The following FBN1 variants were observed in gnomAD, a reference collection of about 807,000 sequenced individuals.
FBN1 encodes fibrillin-1.
In FBN1, 29 loss-of-function variants were observed where a neutral mutation model predicts 365.1. The ratio of observed to expected loss-of-function variants is 0.08; its 90% CI spans 0.06 to 0.11. The LOEUF is 0.11. FBN1 is among the 10% of genes least tolerant of loss of function. The probability of loss-of-function intolerance (pLI) is 1.00; values close to 1 mark genes in which losing one functional copy is unlikely to be tolerated. For missense variants in FBN1, 2,476 were observed against 3,703.2 expected (o/e 0.67, Z 8.60); for synonymous variants, 1,210 against 1,270.5 (o/e 0.95, Z 1.01).
rs113115949 is a variant in FBN1 at position 48,465,605 on chromosome 15, G to C, written c.4905C>G (p.Thr1635=). 6.4e-3 allele frequency: 10,266 copies of C among 1,614,026 alleles called. 41 individuals carry two copies. The highest frequency in any genetic ancestry group is 7.8e-3 in the Non-Finnish European group (9,222 of 1,179,942). ...TFGSFQCRCP[T]GYYLNEDTRV... ...GTGTATCTTCATTCAGGTAGTAGCC[G>C]GTTGGACAGCGGCACTGGAAACTCC... Residue 1635 remains threonine, a synonymous_variant, in exon 40 of 66, where the codon ACC becomes ACG. Coordinates refer to ENST00000316623, the MANE Select transcript of FBN1 (RefSeq NM_000138.5).
In FBN1 at chr15:48,490,101, G is replaced by A. The variant is rs751897435; in HGVS notation, c.2855-23C>T. 3.1e-6 allele frequency: 5 copies of A among 1,605,704 alleles called. No individual in the cohort carries two copies. In the Admixed American group the frequency reaches 8.3e-5, roughly 27 times the overall value. On this transcript the variant is annotated intron_variant, in intron 24 of 65. Transcript: ENST00000316623. ...TATCTGTCAGAGGGAATCAAGGGAG[G>A]TTAAATAGAGCCACACGGCTTCCAC... is the stretch of plus-strand genomic sequence containing the variant.
rs150963505 is a variant in FBN1, at chr15:48,636,212, T to C, written c.164+8394A>G. ...GAAGAAAGTCTGGTAGTTCCCACTT[T>C]TGTGCTCTTGAGAGATCCTGAACTG... is the stretch of plus-strand genomic sequence containing the variant. On this transcript the variant is annotated intron_variant, in intron 2 of 65. Transcript: ENST00000316623. 4.9e-4 allele frequency among the ~76,000 whole-genome samples: 75 copies of C among 152,322 alleles called. No individual in the cohort carries two copies. The East Asian group carries it at 0.013, about 26-fold the overall frequency.
intron 17 of FBN1, 127 bp from the exon 18 acceptor site, chr15:48,499,165 A>T (rs1018693496): frequency 6.6e-6 from 6 of 907,966 alleles, no homozygotes; most frequent in Non-Finnish European, 3.6e-6. Context: ...ACGGAAAAGG[A>T]GGTATCTCCC....
intron 63 of FBN1, among the ~76,000 whole-genome samples, chr15:48,419,001 A>G (rs779580139): frequency 2.0e-5 from 3 of 152,088 alleles, no homozygotes; most frequent in Non-Finnish European, 2.9e-5. Flanking sequence ...TGGCCCTCTT[A>G]CCCCAAAGAG....
At chr15:48,469,893 G>T (rs2043356851) in intron 36 of FBN1, among the ~76,000 whole-genome samples, 1 of 152,138 alleles carries the variant, frequency 6.6e-6, no homozygotes, top group African/African-American at 2.4e-5. Flanking sequence ...TTGCAGGGTG[G>T]TGGTGGTGGT....
At chr15:48,521,590 G>A (rs1214276824) in intron 9 of FBN1, among the ~76,000 whole-genome samples, 1 of 152,234 alleles carries the variant, frequency 6.6e-6, no homozygotes, top group Admixed American at 6.5e-5. Flanking sequence ...GTTACATCAT[G>A]TCTAATTGTC....
At chr15:48,487,035 T>C (rs764192643) in intron 29 of FBN1, 40 bp downstream of exon 29, 3 of 908,218 alleles carry the variant, frequency 3.3e-6, no homozygotes, top group South Asian at 2.5e-5. Context: ...TAAAATAAAG[T>C]AAAATAAAAT....
At chr15:48,443,323 T>C (rs2043130577) in intron 49 of FBN1, among the ~76,000 whole-genome samples, 1 of 152,206 alleles carries the variant, frequency 6.6e-6, no homozygotes, top group Non-Finnish European at 1.5e-5. Flanking sequence ...ATTATTACTA[T>C]GACTATTTAT....
At position 48,467,943 on chromosome 15, in the gene FBN1, T is replaced by C; in HGVS notation, c.4742A>G (p.Asn1581Ser). 6.2e-7 allele frequency: 1 copy of C among 1,613,852 alleles called. No individual in the cohort carries two copies. Among genetic ancestry groups the C allele is most frequent in the Non-Finnish European group, 8.5e-7 (1 of 1,179,774 alleles). Residue 1581 changes from asparagine to serine, a missense_variant, in exon 38 of 66, where the codon AAC (asparagine) becomes AGC (serine). Asn to Ser is a conservative substitution (Grantham distance 46). This residue lies in a region of FBN1 where 1,780 missense variants were observed against 2,840.8 expected (regional missense o/e 0.63). Transcript: ENST00000316623. ...GTPCEMCPAVNTSEYKILCPG... is the reference protein window; with the variant it reads ...GTPCEMCPAVSTSEYKILCPG... The stretch of plus-strand genomic sequence containing the variant: ...ATAGGAGGATGTCCACTTACATGTG[T>C]TCACAGCAGGACACATCTCACAAGG...
intron 2 of FBN1, among the ~76,000 whole-genome samples, chr15:48,630,746 A>AAAAAGAAAAG (rs1013867619): frequency 6.9e-6 from 1 of 145,332 alleles, no homozygotes; most frequent in African/African-American, 2.8e-5. Context: ...AAAAAAAAAA[A>AAAAAGAAAAG]AAAAGAAAAG....
At chr15:48,635,906 T>C (rs1395755503) in intron 2 of FBN1, among the ~76,000 whole-genome samples, 1 of 152,192 alleles carries the variant, frequency 6.6e-6, no homozygotes, top group African/African-American at 2.4e-5. Flanking sequence ...CATTCTGAAG[T>C]TACAGCAGCA....
chr15:48,601,223 G>A (rs149672044), intron 4 of FBN1, among the ~76,000 whole-genome samples: 4 of 152,284 alleles, frequency 2.6e-5, no homozygotes, highest in Non-Finnish European at 5.9e-5. Context: ...ACAGCCACGG[G>A]CTCATAGTGA....
At chr15:48,582,076 C>A (rs547353472) in intron 6 of FBN1, among the ~76,000 whole-genome samples, 19 of 152,334 alleles carry the variant, frequency 1.2e-4, no homozygotes, top group Admixed American at 3.9e-4. Flanking sequence ...TTGGCTCTAC[C>A]TGACACTGTT....
In FBN1 at chr15:48,498,440, T is replaced by C. The variant is rs187825884; in HGVS notation, c.2167+545A>G. Among the ~76,000 whole-genome samples, 7 of 152,340 alleles carry C rather than the reference T, an allele frequency of 4.6e-5. No homozygotes were observed. The East Asian group carries it at 1.4e-3, about 29-fold the overall frequency. ...TCCTCTTTCTTGTCACCTATTGTCA[T>C]ACTTGTTCCAATTCTCCTTTTTAAC... On this transcript the variant is annotated intron_variant, in intron 18 of 65. Coordinates refer to ENST00000316623, the MANE Select transcript of FBN1 (RefSeq NM_000138.5).
chr15:48,613,224 T>C (rs1879239295), intron 2 of FBN1, 132 bp from the exon 3 acceptor site: 1 of 708,346 alleles, frequency 1.4e-6, no homozygotes, highest in Non-Finnish European at 2.5e-6. Context: ...AGCAAACTCA[T>C]GAGACTCAAT....
chr15:48,545,311 AG>A (rs2044086319), intron 6 of FBN1, among the ~76,000 whole-genome samples: 2 of 152,240 alleles, frequency 1.3e-5, no homozygotes, highest in Admixed American at 1.3e-4. Flanking sequence ...GTTCCACAAA[AG>A]ATGAATTAAG....
At chr15:48,430,548 T>C (rs992037902) in intron 56 of FBN1, 123 bp downstream of exon 56, 10 of 1,060,604 alleles carry the variant, frequency 9.4e-6, no homozygotes, top group Non-Finnish European at 1.3e-5. Flanking sequence ...AGTCCTGACA[T>C]GCGGTTAAGA....
chr15:48,440,900 GAA>G (rs796766783), intron 50 of FBN1, among the ~76,000 whole-genome samples: 1 of 141,516 alleles, frequency 7.1e-6, no homozygotes, highest in African/African-American at 2.6e-5. Flanking sequence ...AAAAAACCAT[GAA>G]AAAAAAAAAA....
At chr15:48,553,607 T>A (rs908296330) in intron 6 of FBN1, among the ~76,000 whole-genome samples, 6 of 152,170 alleles carry the variant, frequency 3.9e-5, no homozygotes, top group Non-Finnish European at 7.4e-5. Context: ...GAATCAAGGG[T>A]AGTAAATGAA....
Sources: allele counts gnomAD v4.1 joint callset (sites outside exome capture counted in the v4.1 genomes callset), GRCh38; gene constraint gnomAD v4.1.1; regional missense constraint gnomAD v4.1.1; transcripts MANE v1.5; gene names NCBI Gene and HGNC (gene_info 2026-07-23, HGNC 2026-07-21).